The following ACSS3 variants were observed in gnomAD, a reference collection of about 807,000 sequenced individuals.
ACSS3 encodes the protein acyl-CoA synthetase short-chain family member 3, mitochondrial.
ACSS3 carries 64 observed loss-of-function variants against 84.2 expected under a neutral mutation model. The observed-to-expected ratio is 0.76, with a 90% CI of 0.62 to 0.94. ACSS3 has a LOEUF of 0.94. ACSS3 is among the 40% of genes least tolerant of loss of function. ACSS3 has a pLI of 0.00. For missense variants in ACSS3, 815 were observed against 867.6 expected, an observed-to-expected ratio of 0.94 and a Z score of 0.76; for synonymous variants, 317 against 310.1, an observed-to-expected ratio of 1.02 and a Z score of -0.23.
chr12:81,175,357 C>T (rs1434719337), intron 8 of ACSS3, among the ~76,000 whole-genome samples: 6 of 151,844 alleles, frequency 4.0e-5, no homozygotes, highest in Admixed American at 1.3e-4. Context: ...AATTATAGTC[C>T]AAATTAAATA....
chr12:81,119,936 G>C (rs1232448994), intron 2 of ACSS3, among the ~76,000 whole-genome samples: 1 of 152,148 alleles, frequency 6.6e-6, no homozygotes, highest in Admixed American at 6.5e-5. Context: ...TATTAGGGAA[G>C]TCATAAACGT....
At chr12:81,192,402 C>CA (rs1433422920) in intron 8 of ACSS3, among the ~76,000 whole-genome samples, 2 of 151,220 alleles carry the variant, frequency 1.3e-5, no homozygotes, top group Non-Finnish European at 3.0e-5. Context: ...AACAAACAAA[C>CA]AAAAAACAGA....
chr12:81,165,444 G>T (rs1384457235), intron 7 of ACSS3, among the ~76,000 whole-genome samples: 1 of 152,164 alleles, frequency 6.6e-6, no homozygotes, highest in Non-Finnish European at 1.5e-5. Flanking sequence ...AGGAGATCGA[G>T]ACCATCCTGG....
chr12:81,139,122 T>G lies in ACSS3; in HGVS notation c.646-9T>G. 6.2e-7 allele frequency: 1 copy of G among 1,610,440 alleles called. No individual in the cohort carries two copies. The highest frequency in any genetic ancestry group is 8.5e-7 in the Non-Finnish European group (1 of 1,178,492). ...AAGCTTTCTCTCCATTATTATTTTT[T>G]AATTGTAGCCCAAGGTGGTTGTTAC... On this transcript the variant is annotated splice_polypyrimidine_tract_variant and intron_variant, in intron 3 of 15. Transcript: ENST00000548058.
At chr12:81,164,905 G>A (rs1471656180) in intron 7 of ACSS3, among the ~76,000 whole-genome samples, 3 of 152,056 alleles carry the variant, frequency 2.0e-5, no homozygotes, top group South Asian at 4.1e-4. Context: ...CTGCTAACTA[G>A]TATATTCAAC....
At chr12:81,201,463 T>C (rs1407188154) in intron 9 of ACSS3, among the ~76,000 whole-genome samples, 2 of 152,240 alleles carry the variant, frequency 1.3e-5, no homozygotes, top group Non-Finnish European at 2.9e-5. Context: ...ATAGACACCT[T>C]TGTACATAAT....
intron 2 of ACSS3, among the ~76,000 whole-genome samples, chr12:81,131,573 C>G (rs893692829): frequency 6.6e-6 from 1 of 152,168 alleles, no homozygotes; most frequent in African/African-American, 2.4e-5. Context: ...CATCTGCAAA[C>G]AGGGACAATT....
In ACSS3 at chr12:81,233,479, T is replaced by C. The variant is rs760966983; in HGVS notation, c.1719+8T>C. On this transcript the variant is annotated splice_region_variant and intron_variant, in intron 13 of 15. Transcript: ENST00000548058. Reference sequence around the variant, plus strand: ...GCAGGCGCCATTGAAGAGGTATTGATGAATATTGGTATTCTATTCCAAGTA... The same window carrying C: ...GCAGGCGCCATTGAAGAGGTATTGACGAATATTGGTATTCTATTCCAAGTA... The C allele has an allele frequency of 1.6e-5, 25 of 1,609,786 alleles. No homozygotes were observed. In the African/African-American group the frequency reaches 3.4e-4, roughly 22 times the overall value.
At chr12:81,103,263 A>G (rs1882680206) in intron 1 of ACSS3, among the ~76,000 whole-genome samples, 1 of 152,210 alleles carries the variant, frequency 6.6e-6, no homozygotes, top group Admixed American at 6.5e-5. Context: ...TTGTATATAG[A>G]AAGAATAGGA....
In ACSS3 at chr12:81,214,523, A is replaced by G. The variant is rs140023695; in HGVS notation, c.1355-2378A>G. 1.1e-3 allele frequency among the ~76,000 whole-genome samples: 167 copies of G among 152,338 alleles called. 2 individuals are homozygous for G. Among genetic ancestry groups the G allele is most frequent in the African/African-American group, 3.9e-3 (163 of 41,578 alleles). ...ATAAGCTTTTAATAGTTGTCTTATA[A>G]TCATAATGTATAAAAAAGATGAAGA... On this transcript the variant is annotated intron_variant, in intron 9 of 15. Transcript: ENST00000548058.
intron 13 of ACSS3, among the ~76,000 whole-genome samples, chr12:81,252,449 G>T (rs547897612): frequency 5.3e-4 from 80 of 152,186 alleles, no homozygotes; most frequent in African/African-American, 1.7e-3. Flanking sequence ...AACAAGGACT[G>T]CCAGATGTGC....
At chr12:81,118,894 G>C (rs529796434) in intron 2 of ACSS3, among the ~76,000 whole-genome samples, 2 of 152,162 alleles carry the variant, frequency 1.3e-5, no homozygotes, top group African/African-American at 4.8e-5. Context: ...CTGAATGGTA[G>C]TGTGATAATG....
chr12:81,233,641 T>C (rs563369129), intron 13 of ACSS3, among the ~76,000 whole-genome samples, 170 bp downstream of exon 13: 1 of 151,824 alleles, frequency 6.6e-6, no homozygotes, highest in East Asian at 1.9e-4. Flanking sequence ...GATATTCATA[T>C]TCCCTACACT....
Position 81,255,313 on chromosome 12 carries a change from A to C in ACSS3, c.*391A>C, listed in dbSNP as rs2034264916. ...CAAAATCTAAAACTTAAAGTCAGAA[A>C]ATAATTAAAATTTTTCTTGTAGAAA... On this transcript the variant is annotated 3_prime_UTR_variant, in exon 16 of 16. Coordinates refer to ENST00000548058, the MANE Select transcript of ACSS3 (RefSeq NM_024560.4). 6.5e-6 allele frequency: 1 copy of C among 154,516 alleles called. No homozygotes were observed. The highest frequency in any genetic ancestry group is 2.4e-5 in the African/African-American group (1 of 41,704). 9.6% of individuals were successfully genotyped at this position (154,516 alleles called of 1,614,324 possible).
chr12:81,247,693 A>G lies in ACSS3; in HGVS notation c.1720-5614A>G, dbSNP rs75195232. ...GTCTTCTCTGTCTTTGAAATCTCTT[A>G]GAGAATTGTGAACTGATACTTTATA... On this transcript the variant is annotated intron_variant, in intron 13 of 15. Transcript: ENST00000548058. 3.2e-4 allele frequency among the ~76,000 whole-genome samples: 48 copies of G among 152,234 alleles called. No individual in the cohort carries two copies. The East Asian group carries it at 8.1e-3, about 26-fold the overall frequency.
intron 13 of ACSS3, 100 bp downstream of exon 13, chr12:81,233,571 C>G (rs559181298): frequency 7.0e-7 from 1 of 1,438,074 alleles, no homozygotes; most frequent in East Asian, 2.3e-5. Context: ...TTACCACACC[C>G]TTCATTTGCA....
chr12:81,121,745 A>G (rs752593247), intron 2 of ACSS3, among the ~76,000 whole-genome samples: 3 of 152,078 alleles, frequency 2.0e-5, no homozygotes, highest in Non-Finnish European at 4.4e-5. Flanking sequence ...GTTCGGTGAC[A>G]TGTTCCCTGT....
intron 9 of ACSS3, among the ~76,000 whole-genome samples, chr12:81,212,105 C>A (rs1228313272): frequency 6.6e-6 from 1 of 152,140 alleles, no homozygotes; most frequent in East Asian, 1.9e-4. Flanking sequence ...AAATTGAAAA[C>A]CCTCTCCATG....
chr12:81,160,585 T>C (rs1887102062), intron 7 of ACSS3, among the ~76,000 whole-genome samples: 1 of 152,230 alleles, frequency 6.6e-6, no homozygotes, highest in Non-Finnish European at 1.5e-5. Context: ...ATCATTAAAA[T>C]GAGAGGGTTG....
Sources: allele counts gnomAD v4.1 joint callset (sites outside exome capture counted in the v4.1 genomes callset), GRCh38; gene constraint gnomAD v4.1.1; transcripts MANE v1.5; gene names NCBI Gene and HGNC (gene_info 2026-07-23, HGNC 2026-07-21).